GRM8: variants seen among roughly 807,000 people sequenced by gnomAD.
GRM8 encodes the protein metabotropic glutamate receptor 8.
A neutral mutation model predicts 87.2 loss-of-function variants in GRM8; 47 were observed. The observed-to-expected ratio is 0.54, with a 90% CI of 0.43 to 0.69. GRM8 has a LOEUF of 0.69. GRM8 is among the 30% of genes least tolerant of loss of function. The probability of loss-of-function intolerance (pLI) is 0.00; values close to 1 mark genes in which losing one functional copy is unlikely to be tolerated. For missense variants in GRM8, 1,019 were observed against 1,139.2 expected (o/e 0.89, Z 1.52); for synonymous variants, 396 against 404.5 (o/e 0.98, Z 0.25).
At chr7:127,046,029 T>C (rs1818888320) in intron 3 of GRM8, among the ~76,000 whole-genome samples, 2 of 152,208 alleles carry the variant, frequency 1.3e-5, no homozygotes, top group Non-Finnish European at 2.9e-5. Flanking sequence ...TAAATAAGCA[T>C]AGTATTATCT....
At chr7:127,150,055 G>A (rs1587139510) in intron 2 of GRM8, among the ~76,000 whole-genome samples, 1 of 152,016 alleles carries the variant, frequency 6.6e-6, no homozygotes, top group Non-Finnish European at 1.5e-5. Flanking sequence ...AACTATGTGA[G>A]ATAATGGATA....
chr7:127,087,628 T>C (rs1481410390), intron 3 of GRM8, among the ~76,000 whole-genome samples: 1 of 152,186 alleles, frequency 6.6e-6, no homozygotes, highest in Non-Finnish European at 1.5e-5. Flanking sequence ...ATTTAATCAA[T>C]GGGCAAACAG....
chr7:126,790,067 G>A (rs1265474812), intron 6 of GRM8, among the ~76,000 whole-genome samples: 1 of 151,714 alleles, frequency 6.6e-6, no homozygotes, highest in East Asian at 1.9e-4. Flanking sequence ...GAGTGCAATG[G>A]CACAATCTCG....
At position 127,029,421 on chromosome 7, in the gene GRM8, T is replaced by C. The variant is rs868595763; in HGVS notation, c.727+77075A>G. ...TTCTGTCTCATTGATCTGTCTAATA[T>C]TGACAGTGGTGTGTTAAAGTCTCCC... On this transcript the variant is annotated intron_variant, in intron 3 of 10. Coordinates refer to ENST00000339582, the MANE Select transcript of GRM8 (RefSeq NM_000845.3). 1.6e-4 allele frequency among the ~76,000 whole-genome samples: 25 copies of C among 152,200 alleles called. 1 individual carries two copies. Among genetic ancestry groups the C allele is most frequent in the African/African-American group, 6.0e-4 (25 of 41,464 alleles).
intron 7 of GRM8, among the ~76,000 whole-genome samples, chr7:126,736,063 A>T (rs531520157): frequency 4.6e-5 from 7 of 152,210 alleles, no homozygotes; most frequent in Admixed American, 1.3e-4. Context: ...CTCTGGGTAC[A>T]AAAGACTCAT....
At chr7:126,771,734 C>G (rs771575316) in intron 6 of GRM8, among the ~76,000 whole-genome samples, 1 of 152,096 alleles carries the variant, frequency 6.6e-6, no homozygotes, top group African/African-American at 2.4e-5. Flanking sequence ...ACGTAGTCTG[C>G]TGCTTCCATA....
At chr7:127,201,552 G>A (rs998366968) in intron 2 of GRM8, among the ~76,000 whole-genome samples, 6 of 152,150 alleles carry the variant, frequency 3.9e-5, no homozygotes, top group South Asian at 4.1e-4. Flanking sequence ...AGGATCAACC[G>A]GAGAGATCTA....
intron 6 of GRM8, among the ~76,000 whole-genome samples, chr7:126,794,533 C>A (rs1165760991): frequency 6.6e-6 from 1 of 152,142 alleles, no homozygotes; most frequent in Admixed American, 6.6e-5. Context: ...CGAAAAACAT[C>A]TTCCTAATCA....
chr7:126,713,086 C>T (rs1472811517), intron 7 of GRM8, among the ~76,000 whole-genome samples: 2 of 152,072 alleles, frequency 1.3e-5, no homozygotes, highest in African/African-American at 4.8e-5. Context: ...CCCAGTAATC[C>T]CATTACTGAG....
In GRM8 at chr7:126,533,706, T is replaced by C. The variant is rs747740385; in HGVS notation, c.1676A>G (p.Asp559Gly). 6.2e-7 allele frequency: 1 copy of C among 1,614,072 alleles called. No individual in the cohort carries two copies. Among genetic ancestry groups the C allele is most frequent in the East Asian group, 2.2e-5 (1 of 44,858 alleles). Residue 559 changes from aspartate to glycine, a missense_variant, in exon 9 of 11, where the codon GAT becomes GGT. Coordinates refer to ENST00000339582, the MANE Select transcript of GRM8 (RefSeq NM_000845.3). Reference sequence around the variant, plus strand: ...TGTGCGGTTCATGTTGGGTCTCTGATCCAGAGGGCAAAGTTCACAGGACAG... The same window carrying C: ...TGTGCGGTTCATGTTGGGTCTCTGACCCAGAGGGCAAAGTTCACAGGACAG... ...DELSCELCPL[D>G]QRPNMNRTGC...
intron 3 of GRM8, among the ~76,000 whole-genome samples, chr7:127,076,561 A>G (rs1303443479): frequency 1.3e-5 from 2 of 152,152 alleles, no homozygotes; most frequent in South Asian, 4.1e-4. Context: ...AGTTTCCTCC[A>G]TTCTTCTCTT....
chr7:126,900,756 C>T (rs1801998239), intron 6 of GRM8, among the ~76,000 whole-genome samples: 1 of 152,134 alleles, frequency 6.6e-6, no homozygotes, highest in South Asian at 2.1e-4. Context: ...GCAATATGCC[C>T]ACCTCGGCCT....
At chr7:126,583,378 TAAAAATAA>T (rs1795800178) in intron 8 of GRM8, among the ~76,000 whole-genome samples, 1 of 151,210 alleles carries the variant, frequency 6.6e-6, no homozygotes, top group Non-Finnish European at 1.5e-5. Flanking sequence ...CATAAAATAA[TAAAAATAA>T]AAAAATAAGA....
intron 3 of GRM8, among the ~76,000 whole-genome samples, chr7:127,063,745 C>A (rs1403243458): frequency 6.6e-6 from 1 of 152,126 alleles, no homozygotes; most frequent in Non-Finnish European, 1.5e-5. Flanking sequence ...AATTTGAGAT[C>A]TTTTTGACAT....
intron 7 of GRM8, among the ~76,000 whole-genome samples, chr7:126,636,899 T>C (rs971223323): frequency 6.6e-6 from 1 of 152,142 alleles, no homozygotes; most frequent in Non-Finnish European, 1.5e-5. Context: ...TTTCATTTTA[T>C]TTAACTTTTG....
At position 127,175,677 on chromosome 7, in the gene GRM8, G is replaced by T. The variant is rs551700836; in HGVS notation, c.510+67018C>A. Reference sequence around the variant, plus strand: ...AGTACCATGCAAGCAAGAAGAGAATGAAATGAAATATTTAAAGTGTTGAAA... The same window carrying T: ...AGTACCATGCAAGCAAGAAGAGAATTAAATGAAATATTTAAAGTGTTGAAA... On this transcript the variant is annotated intron_variant, in intron 2 of 10. Coordinates refer to ENST00000339582, the MANE Select transcript of GRM8 (RefSeq NM_000845.3). Among the ~76,000 whole-genome samples, 6 of 152,244 alleles carry T rather than the reference G, an allele frequency of 3.9e-5. No homozygotes were observed. In the South Asian group the frequency reaches 1.2e-3, roughly 32 times the overall value.
At chr7:126,600,685 G>A (rs1223117106) in intron 8 of GRM8, among the ~76,000 whole-genome samples, 2 of 152,088 alleles carry the variant, frequency 1.3e-5, no homozygotes, top group Non-Finnish European at 2.9e-5. Context: ...CAAGGATGTG[G>A]TTAAAATTTA....
chr7:127,143,074 T>C (rs1828366092), intron 2 of GRM8, among the ~76,000 whole-genome samples: 1 of 152,068 alleles, frequency 6.6e-6, no homozygotes, highest in African/African-American at 2.4e-5. Context: ...TCATTCCCCT[T>C]CTCCCTTTCA....
At chr7:126,834,066 C>T (rs1795633310) in intron 6 of GRM8, among the ~76,000 whole-genome samples, 1 of 152,168 alleles carries the variant, frequency 6.6e-6, no homozygotes, top group South Asian at 2.1e-4. Flanking sequence ...ATCAGACTGT[C>T]CTACGGATGG....
Sources: gnomAD v4.1 joint callset for allele counts (sites outside exome capture counted in the v4.1 genomes callset) on GRCh38, gnomAD v4.1.1 for gene constraint, MANE v1.5 for transcripts, NCBI Gene and HGNC (gene_info 2026-07-23, HGNC 2026-07-21) for gene names.